Variants in MEGF10 observed in about 807,000 individuals in gnomAD.
MEGF10 encodes the protein multiple EGF like domains 10.
In MEGF10, 86 loss-of-function variants were observed where a neutral mutation model predicts 147.5. That is an observed-to-expected ratio of 0.58 (90% CI 0.49 to 0.70). The LOEUF (loss-of-function observed/expected upper bound fraction) is 0.70. Ranked by LOEUF, MEGF10 falls within the 30% of genes least tolerant of loss-of-function variation. The probability of loss-of-function intolerance (pLI) is 0.00; values close to 1 mark genes in which losing one functional copy is unlikely to be tolerated. For synonymous variants in MEGF10, 478 were observed against 525.5 expected (o/e 0.91, Z 1.24); for missense variants, 1,329 against 1,487.3 (o/e 0.89, Z 1.75).
At chr5:127,281,186 A>G in the MEGF10 span, among the ~76,000 whole-genome samples, 2 of 152,170 alleles carry the variant, frequency 1.3e-5, no homozygotes, top group African/African-American at 4.8e-5. Flanking sequence ...TCCTTGCACC[A>G]TCTTCCTAAC....
chr5:127,236,124 C>T, the MEGF10 span, among the ~76,000 whole-genome samples: 1 of 152,164 alleles, frequency 6.6e-6, no homozygotes, highest in African/African-American at 2.4e-5. Context: ...AGGCACGCGC[C>T]ACCATGCCCA....
chr5:127,401,755 A>G (rs1258220893), intron 7 of MEGF10, among the ~76,000 whole-genome samples: 1 of 152,164 alleles, frequency 6.6e-6, no homozygotes, highest in African/African-American at 2.4e-5. Flanking sequence ...TATTTCATTG[A>G]CTTATTGGTA....
At chr5:127,329,196 G>A (rs1218383698) in intron 1 of MEGF10, among the ~76,000 whole-genome samples, 2 of 152,120 alleles carry the variant, frequency 1.3e-5, no homozygotes, top group Non-Finnish European at 2.9e-5. Flanking sequence ...TGTGAGAAAT[G>A]TCAATAATTT....
At chr5:127,244,686 C>T in the MEGF10 span, among the ~76,000 whole-genome samples, 1 of 151,314 alleles carries the variant, frequency 6.6e-6, no homozygotes, top group African/African-American at 2.4e-5. Flanking sequence ...CATTAGAAAA[C>T]CTGAGAGAAA....
chr5:127,364,320 C>A (rs757168898), intron 4 of MEGF10, among the ~76,000 whole-genome samples: 37 of 152,184 alleles, frequency 2.4e-4, no homozygotes, highest in Non-Finnish European at 5.0e-4. Context: ...CCTGTCTATC[C>A]ATATGGAATT....
chr5:127,417,251 T>C (rs1446002834), intron 9 of MEGF10, among the ~76,000 whole-genome samples: 5 of 152,218 alleles, frequency 3.3e-5, no homozygotes, highest in Admixed American at 1.3e-4. Context: ...GTCACTGCTT[T>C]TGGTGTTCCT....
chr5:127,396,413 GC>G (rs1763913802), intron 5 of MEGF10, 118 bp from the exon 6 acceptor site: 1 of 1,227,908 alleles, frequency 8.1e-7, no homozygotes, highest in Non-Finnish European at 1.1e-6. Context: ...TGGGGCCAGG[GC>G]CCTGATGTCC....
rs1762557466 is a variant in MEGF10, at chr5:127,363,737, G to A, written c.320-6173G>A. 3.3e-5 allele frequency among the ~76,000 whole-genome samples: 5 copies of A among 152,130 alleles called. No individual in the cohort carries two copies. The South Asian group carries it at 1.0e-3, about 32-fold the overall frequency. The stretch of plus-strand genomic sequence containing the variant: ...TTAAATGACACGAAAGCCCTATAAG[G>A]AATGGAGAGAAAAGACTTATAGATA... On this transcript the variant is annotated intron_variant, in intron 4 of 24. Coordinates refer to ENST00000503335, the MANE Select transcript of MEGF10 (RefSeq NM_001256545.2).
At chr5:127,429,152 A>G (rs1230623546) in intron 13 of MEGF10, among the ~76,000 whole-genome samples, 2 of 152,228 alleles carry the variant, frequency 1.3e-5, no homozygotes, top group East Asian at 1.9e-4. Flanking sequence ...CCAATATTTT[A>G]GAAGTTATTT....
At chr5:127,417,321 C>G (rs561975850) in intron 9 of MEGF10, among the ~76,000 whole-genome samples, 3 of 152,248 alleles carry the variant, frequency 2.0e-5, no homozygotes, top group South Asian at 2.1e-4. Flanking sequence ...TTTTTAGCTC[C>G]TCTCATAGAG....
rs1296927317 is a variant in MEGF10 at position 127,322,088 on chromosome 5, T to A, written c.-18-9203T>A. The stretch of plus-strand genomic sequence containing the variant: ...TAGCGCTTTTGCAAAAAAAAAAAAA[T>A]AATAATGCTTTAGGTTAAAAGAAAA... On this transcript the variant is annotated intron_variant, in intron 1 of 24. Coordinates refer to ENST00000503335, the MANE Select transcript of MEGF10 (RefSeq NM_001256545.2). Among the ~76,000 whole-genome samples the A allele has an allele frequency of 1.7e-4, 23 of 133,168 alleles. No individual in the cohort carries two copies. In the East Asian group the frequency reaches 4.2e-3, roughly 24 times the overall value. The allele number at this position is 133,168 out of a possible 152,430, so 87.4% of individuals were successfully genotyped here.
intron 5 of MEGF10, among the ~76,000 whole-genome samples, chr5:127,381,609 A>G (rs1224889074): frequency 6.6e-6 from 1 of 152,094 alleles, no homozygotes; most frequent in African/African-American, 2.4e-5. Context: ...TCCACTGTCC[A>G]TTGGCTGAAA....
At position 127,457,522 on chromosome 5, in the gene MEGF10, G is replaced by A. The variant is rs1438839188; in HGVS notation, c.*204G>A. ...GTGGATTCGAAGGAGTTAGAGATGT[G>A]ATTTCCCATTGCTGTTAGTTTTAGA... On this transcript the variant is annotated 3_prime_UTR_variant, in exon 25 of 25. Transcript: ENST00000503335. 2 of 570,688 alleles carry A rather than the reference G, an allele frequency of 3.5e-6. No homozygotes were observed. The highest frequency in any genetic ancestry group is 6.1e-6 in the Non-Finnish European group (2 of 327,318). 35.4% of individuals were successfully genotyped at this position (570,688 alleles called of 1,614,324 possible).
At chr5:127,380,155 C>A (rs1465160713) in intron 5 of MEGF10, among the ~76,000 whole-genome samples, 1 of 151,754 alleles carries the variant, frequency 6.6e-6, no homozygotes, top group East Asian at 1.9e-4. Context: ...TGCTGTCTAG[C>A]TATCACTGAA....
intron 8 of MEGF10, among the ~76,000 whole-genome samples, chr5:127,409,166 A>G (rs1235370566): frequency 4.6e-5 from 7 of 152,230 alleles, no homozygotes; most frequent in Non-Finnish European, 7.3e-5. Context: ...CATTAAAAAT[A>G]TGCAAAGTTT....
At chr5:127,269,418 T>C in the MEGF10 span, among the ~76,000 whole-genome samples, 1 of 152,200 alleles carries the variant, frequency 6.6e-6, no homozygotes, top group South Asian at 2.1e-4. Context: ...CTGAAAACCA[T>C]GGCACAAGAA....
the MEGF10 span, among the ~76,000 whole-genome samples, chr5:127,237,509 G>T: frequency 6.6e-6 from 1 of 152,010 alleles, no homozygotes; most frequent in African/African-American, 2.4e-5. Context: ...ATAAAAAAAA[G>T]TTATTTAACT....
the MEGF10 span, among the ~76,000 whole-genome samples, chr5:127,270,963 C>T: frequency 2.6e-5 from 4 of 152,072 alleles, no homozygotes; most frequent in South Asian, 2.1e-4. Flanking sequence ...TTCTTTATCC[C>T]GTCTATCATT....
intron 9 of MEGF10, among the ~76,000 whole-genome samples, chr5:127,413,094 C>G (rs745647783): frequency 6.6e-6 from 1 of 152,088 alleles, no homozygotes; most frequent in Non-Finnish European, 1.5e-5. Context: ...CCCCACCTCT[C>G]GATGGGAGGT....
Sources: gnomAD v4.1 joint callset for allele counts (sites outside exome capture counted in the v4.1 genomes callset) on GRCh38, gnomAD v4.1.1 for gene constraint, MANE v1.5 for transcripts, NCBI Gene and HGNC (gene_info 2026-07-23, HGNC 2026-07-21) for gene names.